PRKCSH: variants seen among roughly 807,000 people sequenced by gnomAD.
The protein encoded by PRKCSH is glucosidase 2 subunit beta.
In PRKCSH, 42 loss-of-function variants were observed where a neutral mutation model predicts 79.7. The observed-to-expected ratio is 0.53, with a 90% CI of 0.41 to 0.68. The LOEUF is 0.68. Among genes scored for constraint, PRKCSH ranks in the 30% least tolerant of loss-of-function variants. The probability of loss-of-function intolerance (pLI) is 0.00; values close to 1 mark genes in which losing one functional copy is unlikely to be tolerated. For synonymous variants in PRKCSH, 325 were observed against 288.2 expected (o/e 1.13, Z -1.29); for missense variants, 686 against 709.0 (o/e 0.97, Z 0.37).
rs771276620 is a variant in PRKCSH at position 11,449,453 on chromosome 19, C to T, written c.*16+25C>T. On this transcript the variant is annotated intron_variant, in intron 17 of 17. Transcript: ENST00000677123. This position sits in a 1 kb window ranked among gnomAD's most constrained non-coding sequence, Gnocchi z 6.4. Reference sequence around the variant, plus strand: ...GGTGGGCGGGGAGGTGGAGTCTCGTCGGCCTGCCCCAGCAAGGGGAGGCGG... The same window carrying T: ...GGTGGGCGGGGAGGTGGAGTCTCGTTGGCCTGCCCCAGCAAGGGGAGGCGG... 11 of 1,612,012 alleles carry T rather than the reference C, an allele frequency of 6.8e-6. No individual in the cohort carries two copies. Among genetic ancestry groups the T allele is most frequent in the East Asian group, 2.2e-5 (1 of 44,862 alleles).
intron 7 of PRKCSH, among the ~76,000 whole-genome samples, chr19:11,443,856 A>G (rs111395780): frequency 0.051 from 7,735 of 151,592 alleles, 296 homozygotes; most frequent in Admixed American, 0.12. Flanking sequence ...GCTCACTGCA[A>G]CCTCTACCTC....
chr19:11,447,837 T>C lies in PRKCSH; in HGVS notation c.1126+48T>C, dbSNP rs1201917352. On this transcript the variant is annotated intron_variant, in intron 12 of 17. Transcript: ENST00000677123. The surrounding 1 kb of genome is among the most constrained non-coding windows in gnomAD (Gnocchi z 5.6). ...CTCCTCGGGTGGGCCCAGCGTTTCCTGCCGTGGTGGCACAGGTCGAGGGAA... is the reference window on the plus strand; with the variant it reads ...CTCCTCGGGTGGGCCCAGCGTTTCCCGCCGTGGTGGCACAGGTCGAGGGAA... 1 of 1,508,306 alleles carries C rather than the reference T, an allele frequency of 6.6e-7. No individual in the cohort carries two copies. Among genetic ancestry groups the C allele is most frequent in the Non-Finnish European group, 8.9e-7 (1 of 1,122,262 alleles). 93.4% of individuals were successfully genotyped at this position (1,508,306 alleles called of 1,614,324 possible).
Position 11,447,950 on chromosome 19 carries a change from T to C in PRKCSH, c.1126+161T>C, listed in dbSNP as rs1011007092. On this transcript the variant is annotated intron_variant, in intron 12 of 17. Transcript: ENST00000677123. The surrounding 1 kb of genome is among the most constrained non-coding windows in gnomAD (Gnocchi z 5.6). ...AGGAAGGGGGCCTAGGGTAAGCCAGTCCCACCCTCGCCAGCCCCAAGGGGC... is the reference window on the plus strand; with the variant it reads ...AGGAAGGGGGCCTAGGGTAAGCCAGCCCCACCCTCGCCAGCCCCAAGGGGC... 4 of 924,362 alleles carry C rather than the reference T, an allele frequency of 4.3e-6. No individual in the cohort carries two copies. The highest frequency in any genetic ancestry group is 2.6e-5 in the East Asian group (1 of 37,736). 57.3% of individuals were successfully genotyped at this position (924,362 alleles called of 1,614,324 possible).
chr19:11,448,227 C>T lies in PRKCSH; in HGVS notation c.1132C>T (p.Gln378Ter), dbSNP rs867785272. The T allele has an allele frequency of 6.4e-7, 1 of 1,559,308 alleles. No homozygotes were observed. Among genetic ancestry groups the T allele is most frequent in the East Asian group, 2.4e-5 (1 of 41,726 alleles). Residue 378 changes from glutamine to a stop codon, truncating the protein, a stop_gained, in exon 13 of 18, where the codon CAG (glutamine) becomes TAG (stop). Coordinates refer to ENST00000677123, the MANE Select transcript of PRKCSH (RefSeq NM_001289104.2). LOFTEE classifies it high-confidence loss of function. This position sits in a 1 kb window ranked among gnomAD's most constrained non-coding sequence, Gnocchi z 4.4. ...EQTQAFIDAA[Q>*]EARNKFEEAE... is the part of the protein sequence containing the mutation. ...ACCTCCAACCCCTCTCCCAGCTGCC[C>T]AGGAGGCCCGCAACAAGTTCGAGGA...
chr19:11,447,061 C>A lies in PRKCSH; in HGVS notation c.763-13C>A. The A allele has an allele frequency of 6.2e-7, 1 of 1,613,638 alleles. No individual in the cohort carries two copies. The highest frequency in any genetic ancestry group is 8.5e-7 in the Non-Finnish European group (1 of 1,179,592). On this transcript the variant is annotated splice_polypyrimidine_tract_variant and intron_variant, in intron 9 of 17. Transcript: ENST00000677123. The surrounding 1 kb of genome is among the most constrained non-coding windows in gnomAD (Gnocchi z 5.6). ...GGTGGCCTAGATCTTGACACCACCC[C>A]CAACACACACAGGCCCTCCTCAGTG...
rs1970399539 is a variant in PRKCSH, at chr19:11,447,945, G to A, written c.1126+156G>A. 1 of 959,090 alleles carries A rather than the reference G, an allele frequency of 1.0e-6. No homozygotes were observed. The allele number at this position is 959,090 out of a possible 1,614,324, so 59.4% of individuals were successfully genotyped here. On this transcript the variant is annotated intron_variant, in intron 12 of 17. Transcript: ENST00000677123. The surrounding 1 kb of genome is among the most constrained non-coding windows in gnomAD (Gnocchi z 5.6). ...AGTCCAGGAAGGGGGCCTAGGGTAA[G>A]CCAGTCCCACCCTCGCCAGCCCCAA...
In PRKCSH at chr19:11,441,445, CT is replaced by C. The variant is rs796764348; in HGVS notation, c.468+89del. On this transcript the variant is annotated intron_variant, in intron 6 of 17. Coordinates refer to ENST00000677123, the MANE Select transcript of PRKCSH (RefSeq NM_001289104.2). ...TGCAAGGCTGGGGAGGGGTTTGCCC[CT>C]GACTGCTGTTCTGGGGCAAGTGACT... The C allele has an allele frequency of 1.5e-4, 187 of 1,243,540 alleles. No homozygotes were observed. The African/African-American group carries it at 2.1e-3, about 14-fold the overall frequency. The allele number at this position is 1,243,540 out of a possible 1,614,324, so 77.0% of individuals were successfully genotyped here.
Position 11,448,950 on chromosome 19 carries a change from G to T in PRKCSH, c.1323G>T (p.Ser441=), listed in dbSNP as rs759312166. 8 of 1,613,976 alleles carry T rather than the reference G, an allele frequency of 5.0e-6. No homozygotes were observed. In the Admixed American group the frequency reaches 1.2e-4, roughly 24 times the overall value. ...VYRLCPFKLV[S]QKPKLGGSPT... The stretch of plus-strand genomic sequence containing the variant: ...GCCTCTGCCCCTTCAAGCTTGTCTC[G>T]CAGAAACCCAAACTCGGGGGCTCTC... The change falls in exon 15 of 18, where the codon TCG becomes TCT. Residue 441 remains serine (S), a synonymous_variant. Coordinates refer to ENST00000677123, the MANE Select transcript of PRKCSH (RefSeq NM_001289104.2). The surrounding 1 kb of genome is among the most constrained non-coding windows in gnomAD (Gnocchi z 4.4).
At position 11,449,249 on chromosome 19, in the gene PRKCSH, C is replaced by T. The variant is rs758614248; in HGVS notation, c.1462-17C>T. On this transcript the variant is annotated splice_polypyrimidine_tract_variant and intron_variant, in intron 16 of 17. Transcript: ENST00000677123. This position sits in a 1 kb window ranked among gnomAD's most constrained non-coding sequence, Gnocchi z 6.4. ...GCCCAGCCGAACCCTCTCGAGCACC[C>T]GTCTGCCCATCCCCAGGTGCGCCTC... is the stretch of plus-strand genomic sequence containing the variant. 2.0e-5 allele frequency: 32 copies of T among 1,613,598 alleles called. No individual in the cohort carries two copies. In the African/African-American group the frequency reaches 2.1e-4, roughly 11 times the overall value.
Position 11,445,433 on chromosome 19 carries a change from G to T in PRKCSH, c.643G>T (p.Ala215Ser). 1 of 1,614,060 alleles carries T rather than the reference G, an allele frequency of 6.2e-7. No individual in the cohort carries two copies. Among genetic ancestry groups the T allele is most frequent in the Admixed American group, 1.7e-5 (1 of 60,022 alleles). ...GGCCCAACAGGAGCAGGAGCTGGCG[G>T]CTGATGCCTTCAAGGAGCTGGATGA... ...AKAQQEQELA[A>S]DAFKELDDDM... The change falls in exon 8 of 18, where the codon GCT (alanine) becomes TCT (serine). Residue 215 changes from alanine (A) to serine (S), a missense_variant. This residue lies in a region of PRKCSH where 549 missense variants were observed against 520.2 expected (regional missense o/e 1.06). Transcript: ENST00000677123.
At chr19:11,438,455 T>TA (rs1291628231) in intron 5 of PRKCSH, among the ~76,000 whole-genome samples, 3 of 151,974 alleles carry the variant, frequency 2.0e-5, no homozygotes, top group African/African-American at 7.2e-5. Context: ...CACAGGCAGG[T>TA]AAAGTATACA....
At chr19:11,445,876 A>T (rs1970273064) in intron 8 of PRKCSH, 1 of 380,492 alleles carries the variant, frequency 2.6e-6, no homozygotes, top group Non-Finnish European at 4.8e-6. Flanking sequence ...CGGGGAGCCT[A>T]GGAGATGTCA....
intron 5 of PRKCSH, among the ~76,000 whole-genome samples, chr19:11,439,594 A>C (rs1415624111): frequency 9.0e-6 from 1 of 111,030 alleles, no homozygotes; most frequent in African/African-American, 3.5e-5. Flanking sequence ...TCTCAGAAAA[A>C]TTTTTCTTTT....
intron 1 of PRKCSH, 84 bp downstream of exon 1, chr19:11,435,790 G>T: frequency 7.1e-7 from 1 of 1,415,838 alleles, no homozygotes; most frequent in Non-Finnish European, 9.3e-7. Context: ...GTGGACGGCG[G>T]AGGCTGTTAA....
intron 5 of PRKCSH, among the ~76,000 whole-genome samples, chr19:11,439,705 C>CT (rs967967790): frequency 4.1e-5 from 6 of 145,148 alleles, no homozygotes; most frequent in African/African-American, 1.5e-4. Flanking sequence ...ACTCTAACCT[C>CT]TGCCTCCCGG....
At chr19:11,446,552 C>G in intron 9 of PRKCSH, among the ~76,000 whole-genome samples, 1 of 151,942 alleles carries the variant, frequency 6.6e-6, no homozygotes, top group Admixed American at 6.6e-5. Flanking sequence ...CCCGTTTCCC[C>G]GCACCTGCCC....
chr19:11,447,917 G>A lies in PRKCSH; in HGVS notation c.1126+128G>A, dbSNP rs1005883562. 2.6e-6 allele frequency: 3 copies of A among 1,176,362 alleles called. No individual in the cohort carries two copies. 72.9% of individuals were successfully genotyped at this position (1,176,362 alleles called of 1,614,324 possible). Reference sequence around the variant, plus strand: ...GGCCAGCACAAGCCCCAGTATCTTGGGGAGTCCAGGAAGGGGGCCTAGGGT... The same window carrying A: ...GGCCAGCACAAGCCCCAGTATCTTGAGGAGTCCAGGAAGGGGGCCTAGGGT... On this transcript the variant is annotated intron_variant, in intron 12 of 17. Transcript: ENST00000677123. This position sits in a 1 kb window ranked among gnomAD's most constrained non-coding sequence, Gnocchi z 5.6.
At position 11,438,864 on chromosome 19, in the gene PRKCSH, G is replaced by A. The variant is rs567721590; in HGVS notation, c.350+740G>A. Reference sequence around the variant, plus strand: ...AGGGGAACAGCTGTTCTCAATTCCTGCCAGCTGATCCTTTTGTAGTTCATA... The same window carrying A: ...AGGGGAACAGCTGTTCTCAATTCCTACCAGCTGATCCTTTTGTAGTTCATA... On this transcript the variant is annotated intron_variant, in intron 5 of 17. Transcript: ENST00000677123. 4.0e-5 allele frequency among the ~76,000 whole-genome samples: 6 copies of A among 151,762 alleles called. No individual in the cohort carries two copies. In the South Asian group the frequency reaches 1.0e-3, roughly 26 times the overall value.
At position 11,447,840 on chromosome 19, in the gene PRKCSH, C is replaced by T. The variant is rs541811804; in HGVS notation, c.1126+51C>T. Reference sequence around the variant, plus strand: ...CTCGGGTGGGCCCAGCGTTTCCTGCCGTGGTGGCACAGGTCGAGGGAAGAT... The same window carrying T: ...CTCGGGTGGGCCCAGCGTTTCCTGCTGTGGTGGCACAGGTCGAGGGAAGAT... On this transcript the variant is annotated intron_variant, in intron 12 of 17. Coordinates refer to ENST00000677123, the MANE Select transcript of PRKCSH (RefSeq NM_001289104.2). The surrounding 1 kb of genome is among the most constrained non-coding windows in gnomAD (Gnocchi z 5.6). The T allele has an allele frequency of 2.8e-5, 42 of 1,499,682 alleles. No individual in the cohort carries two copies. In the African/African-American group the frequency reaches 4.7e-4, roughly 17 times the overall value. 92.9% of individuals were successfully genotyped at this position (1,499,682 alleles called of 1,614,324 possible). A position where few individuals can be genotyped will look rare whatever the true frequency, so the allele number is the denominator to read the frequency against.
Sources: gnomAD v4.1 joint callset for allele counts (sites outside exome capture counted in the v4.1 genomes callset) on GRCh38, gnomAD v4.1.1 for gene constraint, gnomAD v4.1.1 regional missense constraint, Gnocchi (gnomAD v3.1) non-coding constraint, MANE v1.5 for transcripts, NCBI Gene and HGNC (gene_info 2026-07-23, HGNC 2026-07-21) for gene names.